The following UNC13C variants were observed in gnomAD, a reference collection of about 807,000 sequenced individuals.
UNC13C encodes the protein unc-13 homolog C.
Under a neutral mutation model 245.4 loss-of-function variants are expected in UNC13C, and 174 were observed. The ratio of observed to expected loss-of-function variants is 0.71; its 90% CI spans 0.63 to 0.80. UNC13C has a LOEUF of 0.80. UNC13C is among the 30% of genes least tolerant of loss of function. The pLI is 0.00. For missense variants in UNC13C, 2,829 were observed against 2,602.9 expected, an observed-to-expected ratio of 1.09 and a Z score of -1.89; for synonymous variants, 992 against 895.1, an observed-to-expected ratio of 1.11 and a Z score of -1.93.
chr15:54,535,524 A>G (rs1290087923), intron 26 of UNC13C, among the ~76,000 whole-genome samples: 1 of 152,170 alleles, frequency 6.6e-6, no homozygotes, highest in Non-Finnish European at 1.5e-5. Context: ...AGGATACTCA[A>G]CCCAACAAAA....
At chr15:54,345,260 C>T (rs1199716664) in intron 17 of UNC13C, among the ~76,000 whole-genome samples, 1 of 152,166 alleles carries the variant, frequency 6.6e-6, no homozygotes, top group Non-Finnish European at 1.5e-5. Flanking sequence ...GAACTGAATA[C>T]ATAAATAAAC....
At chr15:54,383,900 C>CA in intron 17 of UNC13C, among the ~76,000 whole-genome samples, 1 of 151,862 alleles carries the variant, frequency 6.6e-6, no homozygotes, top group East Asian at 1.9e-4. Flanking sequence ...ATTAAGAAGG[C>CA]AGTCTCATTT....
the UNC13C span, among the ~76,000 whole-genome samples, chr15:53,856,936 A>G: frequency 2.2e-4 from 33 of 152,130 alleles, no homozygotes; most frequent in South Asian, 6.8e-3. Flanking sequence ...AGTCTCTAAA[A>G]ACTTGCTTTA....
intron 2 of UNC13C, among the ~76,000 whole-genome samples, chr15:54,043,333 A>T (rs1323325735): frequency 6.6e-6 from 1 of 152,252 alleles, no homozygotes; most frequent in Non-Finnish European, 1.5e-5. Context: ...AAGCCAGCAG[A>T]TACAGGAACA....
intron 19 of UNC13C, among the ~76,000 whole-genome samples, chr15:54,472,510 T>A (rs904324124): frequency 2.0e-5 from 3 of 151,840 alleles, no homozygotes; most frequent in African/African-American, 7.2e-5. Flanking sequence ...TCCTCTTCCT[T>A]AATCTTAAAA....
At chr15:54,465,534 T>C (rs982151593) in intron 19 of UNC13C, among the ~76,000 whole-genome samples, 14 of 152,052 alleles carry the variant, frequency 9.2e-5, no homozygotes, top group African/African-American at 3.4e-4. Context: ...TACTAGTTAG[T>C]AATAACTTAT....
intron 4 of UNC13C, among the ~76,000 whole-genome samples, chr15:54,181,406 A>G (rs2033793403): frequency 6.6e-6 from 1 of 151,830 alleles, no homozygotes; most frequent in Non-Finnish European, 1.5e-5. Flanking sequence ...TTGTGGCTTT[A>G]TAGTATAGTT....
intron 17 of UNC13C, among the ~76,000 whole-genome samples, chr15:54,363,884 C>T (rs1849212): frequency 0.46 from 70,019 of 151,976 alleles, 16,480 homozygotes; most frequent in East Asian, 0.74. Context: ...AGGTCCTGAG[C>T]AATTATAGAT....
chr15:54,184,416 G>A (rs1173863041), intron 4 of UNC13C, among the ~76,000 whole-genome samples: 6 of 151,438 alleles, frequency 4.0e-5, no homozygotes, highest in African/African-American at 7.3e-5. Context: ...ATCCCTCCCC[G>A]CTTCCCCCAC....
chr15:54,369,431 TC>T lies in UNC13C; in HGVS notation c.4714-23613del, dbSNP rs1316378503. 5.3e-5 allele frequency among the ~76,000 whole-genome samples: 8 copies of T among 152,164 alleles called. No homozygotes were observed. The East Asian group carries it at 1.5e-3, about 29-fold the overall frequency. ...GGTAATTGACCATTTAGATCACTGT[TC>T]CCCATGCAACACTAAACTTGTAAGT... On this transcript the variant is annotated intron_variant, in intron 17 of 32. Coordinates refer to ENST00000260323, the MANE Select transcript of UNC13C (RefSeq NM_001080534.3).
intron 13 of UNC13C, among the ~76,000 whole-genome samples, chr15:54,320,509 A>C (rs1448948091): frequency 6.6e-6 from 1 of 152,050 alleles, no homozygotes; most frequent in Non-Finnish European, 1.5e-5. Flanking sequence ...TACACAAAAC[A>C]GAAACTAAAA....
At chr15:54,615,977 T>G (rs1394634402) in intron 30 of UNC13C, among the ~76,000 whole-genome samples, 3 of 152,096 alleles carry the variant, frequency 2.0e-5, no homozygotes, top group Non-Finnish European at 4.4e-5. Context: ...CCAAATGATT[T>G]CCAAGGCTCC....
chr15:54,229,825 A>T (rs7178272), intron 4 of UNC13C, among the ~76,000 whole-genome samples: 4 of 151,802 alleles, frequency 2.6e-5, no homozygotes, highest in South Asian at 2.1e-4. Flanking sequence ...TCTATTCCCT[A>T]GTTCTGAGAT....
the UNC13C span, among the ~76,000 whole-genome samples, chr15:53,892,992 C>T: frequency 8.5e-5 from 13 of 152,168 alleles, no homozygotes; most frequent in African/African-American, 3.1e-4. Context: ...AGCTGTTTCC[C>T]CCCATCTTTG....
chr15:53,952,697 C>A, the UNC13C span, among the ~76,000 whole-genome samples: 1 of 152,114 alleles, frequency 6.6e-6, no homozygotes, highest in Non-Finnish European at 1.5e-5. Flanking sequence ...ATTAGGAATC[C>A]GCTGTGCTGG....
At chr15:54,317,117 C>A (rs2038027768) in intron 13 of UNC13C, among the ~76,000 whole-genome samples, 1 of 151,876 alleles carries the variant, frequency 6.6e-6, no homozygotes, top group Non-Finnish European at 1.5e-5. Context: ...AATACTAATT[C>A]TAATCAATTT....
intron 30 of UNC13C, among the ~76,000 whole-genome samples, chr15:54,573,325 T>C (rs2141225943): frequency 6.6e-6 from 1 of 152,322 alleles, no homozygotes; most frequent in South Asian, 2.1e-4. Flanking sequence ...TACAAGGAAT[T>C]GAATCCCATT....
intron 17 of UNC13C, among the ~76,000 whole-genome samples, chr15:54,346,049 A>G (rs2038852856): frequency 6.6e-6 from 1 of 152,068 alleles, no homozygotes; most frequent in Non-Finnish European, 1.5e-5. Context: ...CTCTATTCTC[A>G]TAATACCCTG....
chr15:54,553,446 A>G lies in UNC13C; in HGVS notation c.5878-1986A>G, dbSNP rs1285903450. Reference sequence around the variant, plus strand: ...ATTATATATAATATATAATATAATTATAATATATAATATATATTACAGAAA... The same window carrying G: ...ATTATATATAATATATAATATAATTGTAATATATAATATATATTACAGAAA... On this transcript the variant is annotated intron_variant, in intron 28 of 32. Coordinates refer to ENST00000260323, the MANE Select transcript of UNC13C (RefSeq NM_001080534.3). Among the ~76,000 whole-genome samples, 6 of 136,002 alleles carry G rather than the reference A, an allele frequency of 4.4e-5. No homozygotes were observed. The South Asian group carries it at 8.6e-4, about 19-fold the overall frequency. 89.2% of individuals were successfully genotyped at this position (136,002 alleles called of 152,430 possible).
Sources: allele counts gnomAD v4.1 joint callset (sites outside exome capture counted in the v4.1 genomes callset), GRCh38; gene constraint gnomAD v4.1.1; transcripts MANE v1.5; gene names NCBI Gene and HGNC (gene_info 2026-07-23, HGNC 2026-07-21).